GNB4: variants seen among roughly 807,000 people sequenced by gnomAD.
The protein encoded by GNB4 is guanine nucleotide-binding protein subunit beta-4.
A neutral mutation model predicts 45.2 loss-of-function variants in GNB4; 28 were observed. The observed-to-expected ratio is 0.62, with a 90% CI of 0.46 to 0.85. The LOEUF (loss-of-function observed/expected upper bound fraction) is 0.85, where lower values mean the gene tolerates loss of function less well. GNB4 is among the 40% of genes least tolerant of loss of function. The pLI, the probability that GNB4 is intolerant of heterozygous loss-of-function variation, is 0.00. For missense variants in GNB4, 321 were observed against 425.4 expected (o/e 0.75, Z 2.16); for synonymous variants, 132 against 143.7 (o/e 0.92, Z 0.58).
the GNB4 span, chr3:179,465,310 G>GA: frequency 8.6e-5 from 124 of 1,447,604 alleles, no homozygotes; most frequent in Non-Finnish European, 1.1e-4. Context: ...TGCTAATGAA[G>GA]AATACCATTA....
chr3:179,503,278 T>C, the GNB4 span, among the ~76,000 whole-genome samples: 482 of 152,272 alleles, frequency 3.2e-3, 2 homozygotes, highest in African/African-American at 0.011. Flanking sequence ...AAACTTACTT[T>C]GAAGTACAAA....
chr3:179,465,041 C>T, the GNB4 span: 5 of 1,498,358 alleles, frequency 3.3e-6, no homozygotes, highest in South Asian at 2.3e-5. Flanking sequence ...AATATCTTAT[C>T]GATATACTTC....
upstream of GNB4, among the ~76,000 whole-genome samples, chr3:179,454,430 C>T (rs1715947894): frequency 6.6e-6 from 1 of 152,186 alleles, no homozygotes; most frequent in South Asian, 2.1e-4. Flanking sequence ...TAGTCAGAAT[C>T]ATAGGAGAGG....
chr3:179,506,179 T>C, the GNB4 span, among the ~76,000 whole-genome samples: 5 of 151,794 alleles, frequency 3.3e-5, no homozygotes, highest in Non-Finnish European at 7.4e-5. Flanking sequence ...CCTGTGTCAA[T>C]ATAAAAAAAT....
At chr3:179,523,459 A>G in the GNB4 span, among the ~76,000 whole-genome samples, 1 of 152,066 alleles carries the variant, frequency 6.6e-6, no homozygotes. Context: ...GGTATTGAGG[A>G]TAGGAGAGTA....
intron 4 of GNB4, among the ~76,000 whole-genome samples, chr3:179,417,113 G>A (rs1470228543): frequency 6.6e-6 from 1 of 152,248 alleles, no homozygotes; most frequent in South Asian, 2.1e-4. Context: ...GAGTAAAGGA[G>A]GAACAATGGC....
intron 3 of GNB4, 65 bp from the exon 4 acceptor site, chr3:179,419,570 G>C: frequency 3.1e-6 from 3 of 966,130 alleles, no homozygotes; most frequent in South Asian, 2.6e-5. Flanking sequence ...ACTTGAACTA[G>C]AAACAGTGAG....
chr3:179,504,842 T>A, the GNB4 span, among the ~76,000 whole-genome samples: 1 of 152,156 alleles, frequency 6.6e-6, no homozygotes, highest in East Asian at 1.9e-4. Flanking sequence ...CCTGACAAGA[T>A]GACCCTAAGA....
intron 3 of GNB4, 142 bp from the exon 4 acceptor site, chr3:179,419,647 C>T (rs1714919548): frequency 1.6e-6 from 1 of 628,086 alleles, no homozygotes. Flanking sequence ...TATAATTCCA[C>T]AGAGCCGTTA....
intron 1 of GNB4, among the ~76,000 whole-genome samples, chr3:179,431,474 G>A (rs983764290): frequency 6.6e-6 from 1 of 150,560 alleles, no homozygotes; most frequent in African/African-American, 2.4e-5. Flanking sequence ...CAGGAGAATC[G>A]CTTGAACCCA....
the GNB4 span, among the ~76,000 whole-genome samples, chr3:179,517,337 C>T: frequency 9.7e-4 from 148 of 152,182 alleles, 1 homozygote; most frequent in African/African-American, 3.4e-3. Flanking sequence ...CCTTTACCTA[C>T]CCAAATCTTA....
intron 1 of GNB4, among the ~76,000 whole-genome samples, chr3:179,432,734 G>A (rs1188642408): frequency 1.3e-5 from 2 of 152,190 alleles, no homozygotes; most frequent in Admixed American, 6.5e-5. Context: ...TCAGAAGCAT[G>A]CGTAAATTCA....
At chr3:179,404,278 G>A (rs1363804370) in intron 9 of GNB4, among the ~76,000 whole-genome samples, 2 of 152,166 alleles carry the variant, frequency 1.3e-5, no homozygotes, top group Non-Finnish European at 2.9e-5. Context: ...GGGAAAAACT[G>A]GTTGGGAAGA....
chr3:179,452,060 A>G (rs74569041), upstream of GNB4, among the ~76,000 whole-genome samples: 917 of 152,296 alleles, frequency 6.0e-3, 8 homozygotes, highest in African/African-American at 0.021. Flanking sequence ...AAGCATATTA[A>G]ATGAAGTGAT....
chr3:179,408,360 A>G (rs1283701999), intron 8 of GNB4, among the ~76,000 whole-genome samples: 3 of 152,226 alleles, frequency 2.0e-5, no homozygotes. Flanking sequence ...GACCCATCCA[A>G]AGTAAAATAC....
chr3:179,494,042 A>G, the GNB4 span, among the ~76,000 whole-genome samples: 7 of 152,308 alleles, frequency 4.6e-5, no homozygotes, highest in East Asian at 1.4e-3. Flanking sequence ...GCTACTGTCT[A>G]GAGCTTGTCT....
At chr3:179,486,887 TAGA>T in the GNB4 span, among the ~76,000 whole-genome samples, 1 of 152,222 alleles carries the variant, frequency 6.6e-6, no homozygotes, top group Non-Finnish European at 1.5e-5. Context: ...GCTTGCAAAT[TAGA>T]AGAATAAAAC....
chr3:179,451,427 C>G lies in GNB4; in HGVS notation c.-124G>C, dbSNP rs1715871400. The G allele has an allele frequency of 6.6e-6, 1 of 151,118 alleles. No homozygotes were observed. The highest frequency in any genetic ancestry group is 6.6e-5 in the Admixed American group (1 of 15,166). The allele number at this position is 151,118 out of a possible 1,614,324, so 9.4% of individuals were successfully genotyped here. On this transcript the variant is annotated 5_prime_UTR_variant, in exon 1 of 10. Transcript: ENST00000232564. ...AGCAGCCCCTGGAGCGCGGAGCCGG[C>G]GTGGAGAGCGCAGCTCACAGCCGAG...
chr3:179,413,829 C>T (rs188976150), intron 6 of GNB4, 48 bp from the exon 7 acceptor site: 394 of 1,342,728 alleles, frequency 2.9e-4, no homozygotes, highest in Admixed American at 4.2e-4. Flanking sequence ...GATTGAATAA[C>T]TCAGTTACCA....
Sources: gnomAD v4.1 joint callset for allele counts (sites outside exome capture counted in the v4.1 genomes callset) on GRCh38, gnomAD v4.1.1 for gene constraint, MANE v1.5 for transcripts, NCBI Gene and HGNC (gene_info 2026-07-23, HGNC 2026-07-21) for gene names.